The following PAX2 variants were observed in gnomAD, a reference collection of about 807,000 sequenced individuals.
The protein encoded by PAX2 is paired box protein Pax-2.
Under a neutral mutation model 41.7 loss-of-function variants are expected in PAX2, and 9 were observed. That is an observed-to-expected ratio of 0.22 (90% CI 0.13 to 0.38). The LOEUF (loss-of-function observed/expected upper bound fraction) is 0.38. PAX2 is among the 10% of genes least tolerant of loss of function. The pLI, the probability that PAX2 is intolerant of heterozygous loss-of-function variation, is 1.00. For synonymous variants in PAX2, 221 were observed against 212.7 expected (o/e 1.04, Z -0.34); for missense variants, 418 against 531.6 (o/e 0.79, Z 2.10).
chr10:100,816,930 G>A (rs1848206249), intron 7 of PAX2, among the ~76,000 whole-genome samples: 1 of 152,194 alleles, frequency 6.6e-6, no homozygotes, highest in Non-Finnish European at 1.5e-5. Flanking sequence ...CACTTACACA[G>A]AGCGCCTGAA....
At chr10:100,764,183 G>A (rs11190687) in intron 3 of PAX2, among the ~76,000 whole-genome samples, 7,749 of 127,488 alleles carry the variant, frequency 0.061, 254 homozygotes, top group South Asian at 0.19. Flanking sequence ...TCGCTCTGTC[G>A]CCCAGGCTGG....
intron 5 of PAX2, among the ~76,000 whole-genome samples, chr10:100,790,590 GAGTT>G (rs1847071392): frequency 6.6e-6 from 1 of 152,212 alleles, no homozygotes; most frequent in Non-Finnish European, 1.5e-5. Context: ...TGCTACTCCT[GAGTT>G]CACCTCCCTG....
chr10:100,777,096 G>C (rs1010341022), intron 3 of PAX2, among the ~76,000 whole-genome samples: 2 of 140,418 alleles, frequency 1.4e-5, no homozygotes, highest in Non-Finnish European at 3.0e-5. Context: ...TTGGTACTGT[G>C]ATTTTTTTTT....
At chr10:100,767,500 A>G (rs1846068943) in intron 3 of PAX2, among the ~76,000 whole-genome samples, 1 of 152,184 alleles carries the variant, frequency 6.6e-6, no homozygotes, top group Non-Finnish European at 1.5e-5. Context: ...ATAAAGGGAA[A>G]GGTGGTGGTG....
intron 3 of PAX2, among the ~76,000 whole-genome samples, chr10:100,768,450 G>A (rs4539243): frequency 0.11 from 16,232 of 152,060 alleles, 2,540 homozygotes; most frequent in African/African-American, 0.35. Flanking sequence ...GCCTATAGCA[G>A]CTTAATCTAA....
rs775664333 is a variant in PAX2, at chr10:100,793,312, C to T, written c.616+11947C>T. On this transcript the variant is annotated intron_variant, in intron 5 of 9. Coordinates refer to ENST00000355243, the MANE Select transcript of PAX2 (RefSeq NM_000278.5). ...TCCCAGGCAGGAAAGTTGATCTCCT[C>T]GGGGAATTCCCCTAAACCCACTCAA... Among the ~76,000 whole-genome samples, 15 of 152,236 alleles carry T rather than the reference C, an allele frequency of 9.9e-5. No individual in the cohort carries two copies. The South Asian group carries it at 1.2e-3, about 13-fold the overall frequency.
chr10:100,754,074 A>T (rs1845546369), intron 3 of PAX2, among the ~76,000 whole-genome samples: 1 of 152,238 alleles, frequency 6.6e-6, no homozygotes, highest in African/African-American at 2.4e-5. Context: ...GTGTTTATAA[A>T]CAGGGGACTT....
chr10:100,777,097 ATTTT>A (rs532321832), intron 3 of PAX2, among the ~76,000 whole-genome samples: 6,007 of 122,310 alleles, frequency 0.049, 393 homozygotes, highest in African/African-American at 0.17. Flanking sequence ...TGGTACTGTG[ATTTT>A]TTTTTTTTTT....
rs1848589112 is a variant in PAX2, at chr10:100,826,918, G to C, written c.1022-91G>C. ...GCGACACCTGCGCCTGAGACCCGGC[G>C]GGAGGAGCGGGCGGAGAAGCCACCG... On this transcript the variant is annotated intron_variant, in intron 8 of 9. Transcript: ENST00000355243. This position sits in a 1 kb window ranked among gnomAD's most constrained non-coding sequence, Gnocchi z 5.5. 2 of 864,826 alleles carry C rather than the reference G, an allele frequency of 2.3e-6. No individual in the cohort carries two copies. Among genetic ancestry groups the C allele is most frequent in the Admixed American group, 1.8e-5 (1 of 55,306 alleles). 53.6% of individuals were successfully genotyped at this position (864,826 alleles called of 1,614,324 possible). A position where few individuals can be genotyped will look rare whatever the true frequency, so the allele number is the denominator to read the frequency against.
chr10:100,796,048 C>T (rs1847319723), intron 5 of PAX2, among the ~76,000 whole-genome samples: 1 of 152,156 alleles, frequency 6.6e-6, no homozygotes, highest in African/African-American at 2.4e-5. Flanking sequence ...CTCATGCCAC[C>T]CTCATATCCA....
intron 1 of PAX2, among the ~76,000 whole-genome samples, chr10:100,739,335 T>A (rs1195828583): frequency 6.6e-6 from 1 of 152,178 alleles, no homozygotes; most frequent in Non-Finnish European, 1.5e-5. Flanking sequence ...CCTTTGGGCC[T>A]CCCAGTCTCT....
At position 100,781,357 on chromosome 10, in the gene PAX2, G is replaced by A. The variant is rs201089410; in HGVS notation, c.608G>A (p.Arg203His). ...CGCTCCAATGGTGAGAAGAGGAAAC[G>A]TGATGAAGGTAGGGAGGAGGGAAGA... ...IPRSNGEKRK[R>H]DEDVSEGSVP... Residue 203 changes from arginine to histidine, a missense_variant, in exon 5 of 10, where the codon CGT (arginine) becomes CAT (histidine). This residue lies in a region of PAX2 where 310 missense variants were observed against 325.2 expected (regional missense o/e 0.95). Coordinates refer to ENST00000355243, the MANE Select transcript of PAX2 (RefSeq NM_000278.5). The A allele has an allele frequency of 2.1e-5, 34 of 1,614,136 alleles. No homozygotes were observed. Among genetic ancestry groups the A allele is most frequent in the African/African-American group, 9.3e-5 (7 of 75,050 alleles).
At chr10:100,802,008 A>G (rs907729116) in intron 5 of PAX2, among the ~76,000 whole-genome samples, 1 of 152,228 alleles carries the variant, frequency 6.6e-6, no homozygotes, top group African/African-American at 2.4e-5. Context: ...CAGCAATGGC[A>G]TGTAATGAGT....
intron 4 of PAX2, among the ~76,000 whole-genome samples, chr10:100,780,269 G>A (rs1846562949): frequency 6.6e-6 from 1 of 152,082 alleles, no homozygotes; most frequent in East Asian, 1.9e-4. Flanking sequence ...ACGTGACCCA[G>A]GCCTACTAGA....
intron 1 of PAX2, among the ~76,000 whole-genome samples, chr10:100,746,864 GC>G (rs1185692158): frequency 1.3e-5 from 2 of 152,202 alleles, no homozygotes; most frequent in Non-Finnish European, 2.9e-5. Context: ...GGGGTGGGGT[GC>G]CCCCTTCTGA....
At chr10:100,749,465 T>C in intron 1 of PAX2, 2 of 1,275,614 alleles carry the variant, frequency 1.6e-6, no homozygotes, top group East Asian at 3.2e-5. Context: ...TCCCCTCTTT[T>C]CTGTCATCTG....
Position 100,827,098 on chromosome 10 carries a change from G to C in PAX2, c.1108+3G>C. ...ATTCAGCAACCCCGCCTTACTAAGTGAGTACGCCACCTGGCTGGCCGGCGG... is the reference window on the plus strand; with the variant it reads ...ATTCAGCAACCCCGCCTTACTAAGTCAGTACGCCACCTGGCTGGCCGGCGG... On this transcript the variant is annotated splice_donor_region_variant and intron_variant, in intron 9 of 9. Transcript: ENST00000355243. The surrounding 1 kb of genome is among the most constrained non-coding windows in gnomAD (Gnocchi z 8.5). 1 of 1,609,158 alleles carries C rather than the reference G, an allele frequency of 6.2e-7. No homozygotes were observed.
intron 3 of PAX2, among the ~76,000 whole-genome samples, chr10:100,762,427 C>T (rs1422332086): frequency 2.6e-5 from 4 of 152,050 alleles, no homozygotes; most frequent in African/African-American, 7.3e-5. Flanking sequence ...TAAGGAGAGC[C>T]GGTTTCTCAT....
intron 7 of PAX2, among the ~76,000 whole-genome samples, chr10:100,823,264 T>C (rs1848429273): frequency 6.6e-6 from 1 of 151,984 alleles, no homozygotes; most frequent in Non-Finnish European, 1.5e-5. Context: ...TCCAGTTAGG[T>C]TTGAGGTAAC....
Sources: gnomAD v4.1 joint callset for allele counts (sites outside exome capture counted in the v4.1 genomes callset) on GRCh38, gnomAD v4.1.1 for gene constraint, gnomAD v4.1.1 regional missense constraint, Gnocchi (gnomAD v3.1) non-coding constraint, MANE v1.5 for transcripts, NCBI Gene and HGNC (gene_info 2026-07-23, HGNC 2026-07-21) for gene names.